Variants in GPATCH8 observed in about 807,000 individuals in gnomAD.
GPATCH8 encodes G patch domain-containing protein 8.
Under a neutral mutation model 118.3 loss-of-function variants are expected in GPATCH8, and 18 were observed. The ratio of observed to expected loss-of-function variants is 0.15; its 90% CI spans 0.11 to 0.23. The LOEUF (loss-of-function observed/expected upper bound fraction) is 0.23, where lower values mean the gene tolerates loss of function less well. Ranked by LOEUF, GPATCH8 falls within the 10% of genes least tolerant of loss-of-function variation. GPATCH8 has a pLI of 1.00. For synonymous variants in GPATCH8, 659 were observed against 684.7 expected (o/e 0.96, Z 0.59); for missense variants, 1,631 against 1,873.8 (o/e 0.87, Z 2.39).
At position 44,399,229 on chromosome 17, in the gene GPATCH8, T is replaced by C; in HGVS notation, c.2848A>G (p.Thr950Ala). The C allele has an allele frequency of 6.2e-7, 1 of 1,614,010 alleles. No homozygotes were observed. Among genetic ancestry groups the C allele is most frequent in the Non-Finnish European group, 8.5e-7 (1 of 1,179,936 alleles). The stretch of plus-strand genomic sequence containing the variant: ...CCCCGGGATCTTGAGCGCTCTCTGG[T>C]ATGACTCCGAGATCGGCTTCGGGAC... Reference protein sequence around the residue: ...SQSRSRSRSHTRERSRSRGRS... With the variant: ...SQSRSRSRSHARERSRSRGRS... The change falls in exon 8 of 8, where the codon ACC (threonine) becomes GCC (alanine). Residue 950 changes from threonine (T) to alanine (A), a missense_variant. This residue lies in a region of GPATCH8 where 922 missense variants were observed against 879.7 expected (regional missense o/e 1.05). Transcript: ENST00000591680.
chr17:44,483,494 C>T (rs1968505804), intron 1 of GPATCH8, among the ~76,000 whole-genome samples: 2 of 151,380 alleles, frequency 1.3e-5, no homozygotes, highest in African/African-American at 2.4e-5. Flanking sequence ...TGTGATCTGC[C>T]CACCTCGGCC....
chr17:44,457,481 C>T (rs1032598211), intron 3 of GPATCH8, among the ~76,000 whole-genome samples: 1 of 152,110 alleles, frequency 6.6e-6, no homozygotes, highest in African/African-American at 2.4e-5. Flanking sequence ...GAGATACACT[C>T]CAAATAAAAC....
intron 3 of GPATCH8, among the ~76,000 whole-genome samples, chr17:44,443,669 T>C (rs575508378): frequency 6.6e-6 from 1 of 152,308 alleles, no homozygotes; most frequent in Admixed American, 6.5e-5. Context: ...TTGATTTTTT[T>C]CTTCCTTTAT....
chr17:44,491,670 A>C lies in GPATCH8; in HGVS notation c.45+11656T>G, dbSNP rs553752681. Among the ~76,000 whole-genome samples the C allele has an allele frequency of 2.0e-4, 31 of 152,170 alleles. No individual in the cohort carries two copies. In the East Asian group the frequency reaches 4.4e-3, roughly 22 times the overall value. ...CAAGACCTGCTTGGGCCACAAAAGA[A>C]GACTCCATCCCTACAAAAAATACAA... is the stretch of plus-strand genomic sequence containing the variant. On this transcript the variant is annotated intron_variant, in intron 1 of 7. Transcript: ENST00000591680.
chr17:44,461,776 C>T (rs536438610), intron 3 of GPATCH8, among the ~76,000 whole-genome samples: 2 of 152,016 alleles, frequency 1.3e-5, no homozygotes, highest in Non-Finnish European at 2.9e-5. Context: ...TCACTGCAGC[C>T]TCAACCTTCC....
intron 6 of GPATCH8, 91 bp from the exon 7 acceptor site, chr17:44,406,142 C>A: frequency 2.2e-6 from 2 of 901,214 alleles, no homozygotes; most frequent in Non-Finnish European, 1.9e-6. Flanking sequence ...GACCCTCAAC[C>A]AACAGTCATG....
At chr17:44,490,880 C>G (rs866989336) in intron 1 of GPATCH8, among the ~76,000 whole-genome samples, 149 of 152,266 alleles carry the variant, frequency 9.8e-4, no homozygotes, top group Middle Eastern at 3.4e-3. Context: ...GGAAACTTCT[C>G]TCTTACAAAT....
chr17:44,407,657 AT>A (rs35620878), intron 6 of GPATCH8, among the ~76,000 whole-genome samples: 64,420 of 141,312 alleles, frequency 0.46, 15,150 homozygotes, highest in Middle Eastern at 0.56. Flanking sequence ...CATAATTAAG[AT>A]TTTTTTTTTT....
chr17:44,502,229 T>C (rs1245810150), intron 1 of GPATCH8, among the ~76,000 whole-genome samples: 2 of 152,206 alleles, frequency 1.3e-5, no homozygotes, highest in African/African-American at 2.4e-5. Flanking sequence ...CTCTTTAAAC[T>C]GCCTTCTGAA....
intron 3 of GPATCH8, among the ~76,000 whole-genome samples, chr17:44,459,531 T>C (rs1223579141): frequency 1.3e-5 from 2 of 152,186 alleles, no homozygotes; most frequent in Non-Finnish European, 1.5e-5. Context: ...TATTTCCAAA[T>C]GTTAACAAAC....
chr17:44,398,596 ACTT>A lies in GPATCH8; in HGVS notation c.3478_3480del (p.Lys1160del), dbSNP rs1567923568. 3.9e-6 allele frequency: 6 copies of A among 1,552,758 alleles called. No individual in the cohort carries two copies. Among genetic ancestry groups the A allele is most frequent in the Non-Finnish European group, 5.2e-6 (6 of 1,154,070 alleles). ...CCCCTTTCCAAGCCAGACTCTTCACACTTCTTATTGGGCTTTCGGGTAGCTGGG... is the reference window on the plus strand; with the variant it reads ...CCCCTTTCCAAGCCAGACTCTTCACACTTATTGGGCTTTCGGGTAGCTGGG... On this transcript the variant is annotated inframe_deletion, in exon 8 of 8. Transcript: ENST00000591680.
intron 6 of GPATCH8, among the ~76,000 whole-genome samples, chr17:44,408,897 A>G (rs1349280101): frequency 6.6e-6 from 1 of 152,202 alleles, no homozygotes; most frequent in African/African-American, 2.4e-5. Flanking sequence ...TCCCAGTATC[A>G]CATTTACAAA....
intron 1 of GPATCH8, 105 bp from the exon 2 acceptor site, chr17:44,475,008 TA>T: frequency 1.5e-6 from 1 of 681,162 alleles, no homozygotes; most frequent in South Asian, 1.6e-5. Flanking sequence ...TTTTTTTTTT[TA>T]ACCTAAAAGG....
At chr17:44,472,761 T>C (rs1283005642) in intron 2 of GPATCH8, among the ~76,000 whole-genome samples, 1 of 152,122 alleles carries the variant, frequency 6.6e-6, no homozygotes, top group Non-Finnish European at 1.5e-5. Context: ...AGTGGCACAA[T>C]CTCGGCTCAC....
chr17:44,425,149 C>T (rs1567970031), intron 5 of GPATCH8, among the ~76,000 whole-genome samples: 1 of 152,116 alleles, frequency 6.6e-6, no homozygotes, highest in Non-Finnish European at 1.5e-5. Flanking sequence ...TTAAAAGATA[C>T]CTCAAAGCAA....
intron 6 of GPATCH8, among the ~76,000 whole-genome samples, chr17:44,420,145 AGATATATAT>A (rs2049843718): frequency 6.6e-6 from 1 of 152,102 alleles, no homozygotes; most frequent in African/African-American, 2.4e-5. Flanking sequence ...CAGGGATCAC[AGATATATAT>A]TCTGTATTAG....
At chr17:44,414,091 A>G (rs1598431563) in intron 6 of GPATCH8, among the ~76,000 whole-genome samples, 2 of 129,384 alleles carry the variant, frequency 1.5e-5, no homozygotes. Flanking sequence ...GTGTGTGTAT[A>G]TATATATATG....
intron 7 of GPATCH8, among the ~76,000 whole-genome samples, chr17:44,405,706 G>GT (rs2049195257): frequency 6.6e-6 from 1 of 151,592 alleles, no homozygotes; most frequent in South Asian, 2.1e-4. Context: ...GGGTTTCACC[G>GT]TATTAGCCAG....
intron 3 of GPATCH8, among the ~76,000 whole-genome samples, chr17:44,437,895 A>C (rs886651547): frequency 6.6e-6 from 1 of 151,788 alleles, no homozygotes. Flanking sequence ...CACAGTAAAA[A>C]AACAAAACAA....
Sources: gnomAD v4.1 joint callset for allele counts (sites outside exome capture counted in the v4.1 genomes callset) on GRCh38, gnomAD v4.1.1 for gene constraint, gnomAD v4.1.1 regional missense constraint, MANE v1.5 for transcripts, NCBI Gene and HGNC (gene_info 2026-07-23, HGNC 2026-07-21) for gene names.